SFMBT1: variants seen among roughly 807,000 people sequenced by gnomAD.
SFMBT1 encodes the protein Scm like with four mbt domains 1.
A neutral mutation model predicts 108.7 loss-of-function variants in SFMBT1; 32 were observed. That is an observed-to-expected ratio of 0.29 (90% CI 0.22 to 0.40). The LOEUF is 0.40. Among genes scored for constraint, SFMBT1 ranks in the 10% least tolerant of loss-of-function variants. SFMBT1 has a pLI of 1.00. For synonymous variants in SFMBT1, 348 were observed against 369.5 expected (o/e 0.94, Z 0.67); for missense variants, 816 against 1,059.6 (o/e 0.77, Z 3.19).
intron 2 of SFMBT1, among the ~76,000 whole-genome samples, chr3:52,960,600 T>C (rs187504299): frequency 1.9e-4 from 28 of 150,110 alleles, no homozygotes; most frequent in Admixed American, 1.6e-3. Flanking sequence ...CCTCAAAATA[T>C]TTTTAATTAT....
chr3:53,017,861 A>T (rs1057425338), intron 1 of SFMBT1, among the ~76,000 whole-genome samples: 1 of 152,230 alleles, frequency 6.6e-6, no homozygotes, highest in Non-Finnish European at 1.5e-5. Context: ...GTGTGTGGCA[A>T]GTAACAATAA....
intron 1 of SFMBT1, among the ~76,000 whole-genome samples, chr3:53,017,706 T>C (rs1699173022): frequency 6.6e-6 from 1 of 152,190 alleles, no homozygotes; most frequent in African/African-American, 2.4e-5. Context: ...GCCTCTTCCC[T>C]TCTCCTGCAG....
At chr3:52,939,108 A>G (rs762648871) in intron 4 of SFMBT1, among the ~76,000 whole-genome samples, 3 of 152,210 alleles carry the variant, frequency 2.0e-5, no homozygotes, top group Non-Finnish European at 4.4e-5. Flanking sequence ...TCTTTCCTCT[A>G]TAAGAAACTT....
At chr3:53,001,639 G>A (rs2581793) in intron 1 of SFMBT1, among the ~76,000 whole-genome samples, 60,407 of 147,770 alleles carry the variant, frequency 0.41, 14,628 homozygotes, top group South Asian at 0.61. Flanking sequence ...CACAGTGGCC[G>A]CGCCTGTAAA....
chr3:52,908,123 G>A (rs1003907590), intron 17 of SFMBT1, among the ~76,000 whole-genome samples: 2 of 150,172 alleles, frequency 1.3e-5, no homozygotes, highest in African/African-American at 2.5e-5. Context: ...CGCCAGGCTG[G>A]AGTGGAGTGG....
At chr3:53,005,978 T>A (rs1185923371) in intron 1 of SFMBT1, among the ~76,000 whole-genome samples, 2 of 152,144 alleles carry the variant, frequency 1.3e-5, no homozygotes, top group East Asian at 3.9e-4. Context: ...TGCAGGTTCT[T>A]GGGAGGAAGG....
Position 52,955,338 on chromosome 3 carries a change from A to T in SFMBT1, c.29-927T>A, listed in dbSNP as rs899234271. ...TGAGTCAGGAGAACTGCTTGAACCC[A>T]GGAGGCAGAGGTTGCAGTGAGCCGA... On this transcript the variant is annotated intron_variant, in intron 2 of 20. Coordinates refer to ENST00000394752, the MANE Select transcript of SFMBT1 (RefSeq NM_016329.4). 3.3e-5 allele frequency among the ~76,000 whole-genome samples: 5 copies of T among 152,094 alleles called. No homozygotes were observed. The East Asian group carries it at 5.8e-4, about 18-fold the overall frequency.
At position 52,918,465 on chromosome 3, in the gene SFMBT1, A is replaced by G; in HGVS notation, c.1415+19T>C. On this transcript the variant is annotated intron_variant, in intron 13 of 20. Coordinates refer to ENST00000394752, the MANE Select transcript of SFMBT1 (RefSeq NM_016329.4). ...AGATATTCTAACTTGTAAACTGTTC[A>G]TATTATTACGTTACTTACTGTTTTT... 6.4e-7 allele frequency: 1 copy of G among 1,556,292 alleles called. No individual in the cohort carries two copies. Among genetic ancestry groups the G allele is most frequent in the Non-Finnish European group, 8.7e-7 (1 of 1,155,236 alleles).
At chr3:52,951,598 G>A (rs1703595392) in intron 3 of SFMBT1, among the ~76,000 whole-genome samples, 1 of 152,098 alleles carries the variant, frequency 6.6e-6, no homozygotes, top group African/African-American at 2.4e-5. Flanking sequence ...ATTTTTAGTA[G>A]AGAAGGGGTT....
chr3:52,979,844 G>A (rs375617710), intron 1 of SFMBT1, among the ~76,000 whole-genome samples: 1 of 152,068 alleles, frequency 6.6e-6, no homozygotes, highest in Non-Finnish European at 1.5e-5. Context: ...CTGCCCTCAC[G>A]AATCTCATAA....
At chr3:52,918,062 G>A (rs1430884640) in intron 13 of SFMBT1, among the ~76,000 whole-genome samples, 1 of 152,176 alleles carries the variant, frequency 6.6e-6, no homozygotes, top group African/African-American at 2.4e-5. Context: ...TGTTACAAAC[G>A]AAGAATTTCT....
At chr3:52,907,509 G>C (rs1702096261) in intron 18 of SFMBT1, 46 bp downstream of exon 18, 1 of 1,583,698 alleles carries the variant, frequency 6.3e-7, no homozygotes, top group Non-Finnish European at 8.6e-7. Context: ...ATAAAGCAGT[G>C]GTCACTTGGC....
At chr3:52,949,852 T>C (rs1703511993) in intron 3 of SFMBT1, among the ~76,000 whole-genome samples, 1 of 152,194 alleles carries the variant, frequency 6.6e-6, no homozygotes, top group Admixed American at 6.6e-5. Flanking sequence ...GTGCTGGGAT[T>C]ACAGGCGTAA....
At chr3:52,995,980 A>C (rs1698313569) in intron 1 of SFMBT1, among the ~76,000 whole-genome samples, 2 of 148,774 alleles carry the variant, frequency 1.3e-5, no homozygotes, top group African/African-American at 4.9e-5. Flanking sequence ...CTGAGGCAGA[A>C]GAATCACTTG....
At chr3:52,990,875 G>C (rs933117176) in intron 1 of SFMBT1, among the ~76,000 whole-genome samples, 3 of 152,188 alleles carry the variant, frequency 2.0e-5, no homozygotes, top group African/African-American at 7.2e-5. Context: ...ATTTTGGAGA[G>C]AGATTAATGA....
At chr3:52,967,369 T>C (rs562595898) in intron 2 of SFMBT1, among the ~76,000 whole-genome samples, 1 of 152,250 alleles carries the variant, frequency 6.6e-6, no homozygotes, top group Non-Finnish European at 1.5e-5. Flanking sequence ...AAAGCTGGAA[T>C]AGGTAAATCC....
Position 53,044,207 on chromosome 3 carries a change from A to C in SFMBT1, c.-131+1609T>G, listed in dbSNP as rs187528357. ...TTTAATAAAGACACACATTGCGAGC[A>C]CTTTTATGTAGTACCTCTCAAAATA... On this transcript the variant is annotated intron_variant, in intron 1 of 20. Transcript: ENST00000394752. 2.1e-3 allele frequency among the ~76,000 whole-genome samples: 327 copies of C among 152,338 alleles called. 2 individuals carry two copies. Among genetic ancestry groups the C allele is most frequent in the Admixed American group, 0.016 (250 of 15,296 alleles).
intron 2 of SFMBT1, among the ~76,000 whole-genome samples, chr3:52,957,389 G>A (rs551171967): frequency 6.6e-6 from 1 of 152,118 alleles, no homozygotes; most frequent in African/African-American, 2.4e-5. Context: ...CATGAAAATG[G>A]TCATACTACC....
chr3:53,018,706 A>T (rs754887279), intron 1 of SFMBT1, among the ~76,000 whole-genome samples: 7 of 152,156 alleles, frequency 4.6e-5, no homozygotes, highest in Non-Finnish European at 1.0e-4. Flanking sequence ...GCTCTTGTCC[A>T]GGTCACCAAT....
Sources: allele counts gnomAD v4.1 joint callset (sites outside exome capture counted in the v4.1 genomes callset), GRCh38; gene constraint gnomAD v4.1.1; transcripts MANE v1.5; gene names NCBI Gene and HGNC (gene_info 2026-07-23, HGNC 2026-07-21).